Variants in BICC1 observed in about 807,000 individuals in gnomAD.
BICC1 encodes the protein BicC family RNA binding protein 1.
A neutral mutation model predicts 111.0 loss-of-function variants in BICC1; 43 were observed. The observed-to-expected ratio is 0.39, with a 90% confidence interval of 0.30 to 0.50. The LOEUF (loss-of-function observed/expected upper bound fraction) is 0.50, where lower values mean the gene tolerates loss of function less well. Ranked by LOEUF, BICC1 falls within the 20% of genes least tolerant of loss-of-function variation. The probability of loss-of-function intolerance (pLI) is 0.88; values close to 1 mark genes in which losing one functional copy is unlikely to be tolerated. For missense variants in BICC1, 1,091 were observed against 1,203.2 expected (o/e 0.91, Z 1.38); for synonymous variants, 467 against 434.4 (o/e 1.07, Z -0.93).
intron 17 of BICC1, 58 bp downstream of exon 17, chr10:58,807,216 A>C: frequency 6.6e-7 from 1 of 1,518,702 alleles, no homozygotes; most frequent in Non-Finnish European, 8.9e-7. Context: ...AAAAGAGGAC[A>C]GTCCTTCCCC....
At chr10:58,622,240 G>T (rs1289711288) in intron 2 of BICC1, among the ~76,000 whole-genome samples, 1 of 152,066 alleles carries the variant, frequency 6.6e-6, no homozygotes, top group East Asian at 1.9e-4. Context: ...CCCTTGGGTT[G>T]GCTCTGATGG....
intron 2 of BICC1, among the ~76,000 whole-genome samples, chr10:58,658,172 C>T (rs149156570): frequency 7.9e-5 from 12 of 152,200 alleles, no homozygotes; most frequent in East Asian, 1.9e-4. Flanking sequence ...ACCTACAAGC[C>T]GGAGCTTTCA....
At chr10:58,651,075 G>T (rs921012257) in intron 2 of BICC1, among the ~76,000 whole-genome samples, 1 of 152,114 alleles carries the variant, frequency 6.6e-6, no homozygotes. Flanking sequence ...AGGAATGCCT[G>T]CCCTGAGCAC....
chr10:58,560,956 G>T (rs1487657353), intron 1 of BICC1, among the ~76,000 whole-genome samples: 1 of 151,892 alleles, frequency 6.6e-6, no homozygotes, highest in African/African-American at 2.4e-5. Context: ...GTTATTATCT[G>T]GTCTATCCTG....
chr10:58,731,612 G>C (rs1841296977), intron 3 of BICC1, among the ~76,000 whole-genome samples: 1 of 152,164 alleles, frequency 6.6e-6, no homozygotes, highest in Non-Finnish European at 1.5e-5. Context: ...AGGAAGCTTG[G>C]CAGCATCTGC....
intron 1 of BICC1, among the ~76,000 whole-genome samples, chr10:58,538,753 A>G (rs568300484): frequency 2.0e-5 from 3 of 152,070 alleles, no homozygotes; most frequent in South Asian, 2.1e-4. Context: ...AAATAATCCC[A>G]TTAAAGAGTG....
At chr10:58,577,250 A>C (rs1230694215) in intron 1 of BICC1, among the ~76,000 whole-genome samples, 2 of 152,226 alleles carry the variant, frequency 1.3e-5, no homozygotes, top group Non-Finnish European at 2.9e-5. Flanking sequence ...AAGTGGAATG[A>C]GAGAACAATG....
At chr10:58,806,753 G>A (rs960869022) in intron 16 of BICC1, 130 bp downstream of exon 16, 2 of 873,446 alleles carry the variant, frequency 2.3e-6, no homozygotes, top group Non-Finnish European at 3.6e-6. Flanking sequence ...GGTTCAAGTT[G>A]CATACATTCT....
At chr10:58,534,325 C>T (rs546142528) in intron 1 of BICC1, among the ~76,000 whole-genome samples, 1 of 151,748 alleles carries the variant, frequency 6.6e-6, no homozygotes, top group South Asian at 2.1e-4. Context: ...AAAGGAACTA[C>T]AGACCCTTTG....
At chr10:58,729,184 CT>C (rs570785593) in intron 3 of BICC1, among the ~76,000 whole-genome samples, 1 of 152,136 alleles carries the variant, frequency 6.6e-6, no homozygotes, top group Non-Finnish European at 1.5e-5. Flanking sequence ...TAGATGACAC[CT>C]TTTTTTCCAA....
chr10:58,661,157 A>G (rs1838830745), intron 2 of BICC1, among the ~76,000 whole-genome samples: 1 of 151,486 alleles, frequency 6.6e-6, no homozygotes, highest in East Asian at 1.9e-4. Flanking sequence ...TTAAGGGGGA[A>G]GATTCTTATT....
chr10:58,789,750 A>G lies in BICC1; in HGVS notation c.864A>G (p.Gln288=). Residue 288 remains glutamine, a synonymous_variant, in exon 8 of 21, where the codon CAA becomes CAG. Transcript: ENST00000373886. ...CATCAGCTATTCCTGTGAGCACACA[A>G]CTAGATATTGCAGCTCAACATCATC... ...SLASAIPVST[Q]LDIAAQHHLF... is the part of the protein sequence containing the mutation. The G allele has an allele frequency of 6.2e-7, 1 of 1,614,154 alleles. No homozygotes were observed. Among genetic ancestry groups the G allele is most frequent in the Non-Finnish European group, 8.5e-7 (1 of 1,179,998 alleles).
intron 2 of BICC1, among the ~76,000 whole-genome samples, chr10:58,671,031 CCTTTTTCTTGT>C (rs1194342343): frequency 2.6e-5 from 4 of 152,124 alleles, no homozygotes; most frequent in African/African-American, 9.7e-5. Context: ...TCTCGTCTTC[CCTTTTTCTTGT>C]CTTTCTAACC....
At chr10:58,524,254 C>T (rs1216841796) in intron 1 of BICC1, among the ~76,000 whole-genome samples, 1 of 152,110 alleles carries the variant, frequency 6.6e-6, no homozygotes, top group Non-Finnish European at 1.5e-5. Context: ...CAATCCTAAG[C>T]CAAAAGAACA....
chr10:58,520,022 G>A (rs1361488593), intron 1 of BICC1, among the ~76,000 whole-genome samples: 2 of 152,084 alleles, frequency 1.3e-5, no homozygotes, highest in Non-Finnish European at 2.9e-5. Flanking sequence ...TCATAGATTG[G>A]TCACTTAGGT....
At chr10:58,725,873 A>G (rs1338236883) in intron 3 of BICC1, among the ~76,000 whole-genome samples, 1 of 152,206 alleles carries the variant, frequency 6.6e-6, no homozygotes, top group Admixed American at 6.5e-5. Flanking sequence ...TTCTTAAAAA[A>G]TTGCCTTATT....
At chr10:58,553,918 T>TA (rs1843369823) in intron 1 of BICC1, among the ~76,000 whole-genome samples, 1 of 152,050 alleles carries the variant, frequency 6.6e-6, no homozygotes, top group African/African-American at 2.4e-5. Context: ...TTAAGAGTCT[T>TA]AACTTCTTGG....
chr10:58,580,521 A>G (rs905156662), intron 1 of BICC1, among the ~76,000 whole-genome samples: 1 of 152,192 alleles, frequency 6.6e-6, no homozygotes, highest in Admixed American at 6.5e-5. Context: ...CAAAAATCTG[A>G]AAAAATCCAA....
rs566471780 is a variant in BICC1 at position 58,805,755 on chromosome 10, A to G, written c.2182-829A>G. Among the ~76,000 whole-genome samples, 10 of 152,318 alleles carry G rather than the reference A, an allele frequency of 6.6e-5. No homozygotes were observed. In the South Asian group the frequency reaches 1.0e-3, roughly 16 times the overall value. On this transcript the variant is annotated intron_variant, in intron 15 of 20. Coordinates refer to ENST00000373886, the MANE Select transcript of BICC1 (RefSeq NM_001080512.3). Reference sequence around the variant, plus strand: ...CTTTCTGGTTAAAGAGCTCTTGCCAATTGGCCCTTGGTCCTTGTGGTAGGC... The same window carrying G: ...CTTTCTGGTTAAAGAGCTCTTGCCAGTTGGCCCTTGGTCCTTGTGGTAGGC...
Sources: gnomAD v4.1 joint callset for allele counts (sites outside exome capture counted in the v4.1 genomes callset) on GRCh38, gnomAD v4.1.1 for gene constraint, MANE v1.5 for transcripts, NCBI Gene and HGNC (gene_info 2026-07-23, HGNC 2026-07-21) for gene names.